The following KCNJ3 variants were observed in gnomAD, a reference collection of about 807,000 sequenced individuals.
KCNJ3 encodes the protein G protein-activated inward rectifier potassium channel 1.
A neutral mutation model predicts 39.2 loss-of-function variants in KCNJ3; 4 were observed. The ratio of observed to expected loss-of-function variants is 0.10; its 90% CI spans 0.05 to 0.23. KCNJ3 has a LOEUF of 0.23. KCNJ3 is among the 10% of genes least tolerant of loss of function. KCNJ3 has a pLI of 1.00. For synonymous variants in KCNJ3, 230 were observed against 237.4 expected (o/e 0.97, Z 0.29); for missense variants, 276 against 634.9 (o/e 0.43, Z 6.08).
intron 2 of KCNJ3, among the ~76,000 whole-genome samples, chr2:154,832,682 A>G (rs1687383532): frequency 6.9e-6 from 1 of 144,708 alleles, no homozygotes; most frequent in Non-Finnish European, 1.5e-5. Flanking sequence ...GAGGAAATGG[A>G]GCTTATAGAG....
chr2:154,729,241 G>A lies in KCNJ3; in HGVS notation c.919+19422G>A, dbSNP rs1383962079. Reference sequence around the variant, plus strand: ...ACATTTAGCATGACTTGAACAAATTGCAAATCGGGTTTCTGTATGCCATTT... The same window carrying A: ...ACATTTAGCATGACTTGAACAAATTACAAATCGGGTTTCTGTATGCCATTT... On this transcript the variant is annotated intron_variant, in intron 2 of 2. Transcript: ENST00000295101. 2.6e-5 allele frequency among the ~76,000 whole-genome samples: 4 copies of A among 152,128 alleles called. 1 individual carries two copies. Among genetic ancestry groups the A allele is most frequent in the Non-Finnish European group, 5.9e-5 (4 of 68,014 alleles).
chr2:154,812,916 C>T (rs1266390865), intron 2 of KCNJ3, among the ~76,000 whole-genome samples: 1 of 152,066 alleles, frequency 6.6e-6, no homozygotes, highest in Non-Finnish European at 1.5e-5. Flanking sequence ...ATTTATTGAG[C>T]ACTTTGTGTA....
chr2:154,854,597 C>G, intron 2 of KCNJ3, 130 bp from the exon 3 acceptor site: 3 of 614,162 alleles, frequency 4.9e-6, no homozygotes, highest in Non-Finnish European at 5.6e-6. Flanking sequence ...TTAATCTATT[C>G]TATTATTCGG....
intron 2 of KCNJ3, among the ~76,000 whole-genome samples, chr2:154,786,488 A>G (rs903279325): frequency 1.3e-5 from 2 of 152,204 alleles, no homozygotes; most frequent in African/African-American, 4.8e-5. Flanking sequence ...TAAATTAACA[A>G]TTTGTTATTG....
chr2:154,723,630 T>C (rs1249302566), intron 2 of KCNJ3, among the ~76,000 whole-genome samples: 2 of 151,122 alleles, frequency 1.3e-5, no homozygotes, highest in African/African-American at 4.9e-5. Context: ...GTGTTTGTTT[T>C]GTCCCTTTTG....
chr2:154,770,545 T>C (rs931602353), intron 2 of KCNJ3, among the ~76,000 whole-genome samples: 2 of 152,188 alleles, frequency 1.3e-5, no homozygotes, highest in Non-Finnish European at 2.9e-5. Context: ...TGTTATTAGA[T>C]GATTTTGTGA....
chr2:154,826,286 A>G (rs1687270967), intron 2 of KCNJ3, among the ~76,000 whole-genome samples: 1 of 152,188 alleles, frequency 6.6e-6, no homozygotes, highest in Admixed American at 6.5e-5. Flanking sequence ...AAATGTTTAT[A>G]AAGAGTGGTT....
intron 2 of KCNJ3, among the ~76,000 whole-genome samples, chr2:154,794,297 T>G (rs879478031): frequency 1.8e-4 from 27 of 152,056 alleles, no homozygotes; most frequent in Non-Finnish European, 3.4e-4. Flanking sequence ...ACTTTTATTC[T>G]TATTCAGTAT....
intron 2 of KCNJ3, among the ~76,000 whole-genome samples, chr2:154,734,789 G>C (rs945518124): frequency 9.2e-5 from 14 of 151,944 alleles, no homozygotes; most frequent in Admixed American, 2.0e-4. Flanking sequence ...TGATTTTATA[G>C]AGTTTTGAAC....
intron 2 of KCNJ3, among the ~76,000 whole-genome samples, chr2:154,763,130 T>C (rs1024196777): frequency 7.9e-5 from 12 of 152,198 alleles, no homozygotes; most frequent in African/African-American, 1.2e-4. Context: ...TTTCCGACAG[T>C]CAATTTTGTG....
chr2:154,741,532 T>C (rs965618639), intron 2 of KCNJ3, among the ~76,000 whole-genome samples: 18 of 152,042 alleles, frequency 1.2e-4, no homozygotes, highest in African/African-American at 4.1e-4. Flanking sequence ...AAATGTTTTA[T>C]TGTTTTTGGG....
At chr2:154,830,368 A>C (rs561347091) in intron 2 of KCNJ3, among the ~76,000 whole-genome samples, 8 of 152,306 alleles carry the variant, frequency 5.3e-5, no homozygotes, top group Admixed American at 1.3e-4. Flanking sequence ...TTATGGCTAT[A>C]TTCCAGCAGA....
At chr2:154,701,014 T>C (rs1238656106) in intron 1 of KCNJ3, among the ~76,000 whole-genome samples, 1 of 152,178 alleles carries the variant, frequency 6.6e-6, no homozygotes, top group Non-Finnish European at 1.5e-5. Flanking sequence ...GCATACAATT[T>C]TTTAAAATTT....
chr2:154,809,174 G>A (rs1034291090), intron 2 of KCNJ3, among the ~76,000 whole-genome samples: 4 of 152,024 alleles, frequency 2.6e-5, no homozygotes, highest in African/African-American at 7.3e-5. Context: ...TGGGTAGCCC[G>A]GTCCAGCAAT....
At chr2:154,800,807 C>G (rs1289820232) in intron 2 of KCNJ3, among the ~76,000 whole-genome samples, 1 of 152,068 alleles carries the variant, frequency 6.6e-6, no homozygotes, top group Non-Finnish European at 1.5e-5. Flanking sequence ...TCTATAGTAC[C>G]TTTAGAGAAA....
intron 2 of KCNJ3, among the ~76,000 whole-genome samples, chr2:154,825,580 ATTT>A (rs1435643606): frequency 9.2e-6 from 1 of 108,794 alleles, no homozygotes; most frequent in East Asian, 2.8e-4. Context: ...TTATTTATTT[ATTT>A]ATTATTTTTT....
intron 2 of KCNJ3, among the ~76,000 whole-genome samples, chr2:154,722,860 G>T (rs549082802): frequency 1.3e-5 from 2 of 152,248 alleles, no homozygotes; most frequent in Non-Finnish European, 2.9e-5. Context: ...TTTGGCTGGG[G>T]TATAGGGGAA....
At chr2:154,832,718 A>G (rs1203342330) in intron 2 of KCNJ3, among the ~76,000 whole-genome samples, 1 of 150,632 alleles carries the variant, frequency 6.6e-6, no homozygotes, top group African/African-American at 2.4e-5. Flanking sequence ...GATGGCTTCA[A>G]ATGGAGATGC....
intron 2 of KCNJ3, among the ~76,000 whole-genome samples, chr2:154,825,762 G>A (rs1261537268): frequency 1.4e-5 from 2 of 140,724 alleles, no homozygotes; most frequent in African/African-American, 5.0e-5. Context: ...AACTTTTGTA[G>A]AGAATGAGGT....
Sources: allele counts gnomAD v4.1 joint callset (sites outside exome capture counted in the v4.1 genomes callset), GRCh38; gene constraint gnomAD v4.1.1; transcripts MANE v1.5; gene names NCBI Gene and HGNC (gene_info 2026-07-23, HGNC 2026-07-21).